The following TBL1X variants were observed in gnomAD, a reference collection of about 807,000 sequenced individuals.
TBL1X encodes the protein F-box-like/WD repeat-containing protein TBL1X.
In TBL1X, 10 loss-of-function variants were observed where a neutral mutation model predicts 50.7. The ratio of observed to expected loss-of-function variants is 0.20; its 90% confidence interval spans 0.12 to 0.33. The LOEUF is 0.33. TBL1X is among the 10% of genes least tolerant of loss of function. The pLI, the probability that TBL1X is intolerant of heterozygous loss-of-function variation, is 1.00. For missense variants in TBL1X, 340 were observed against 504.4 expected (o/e 0.67, Z 3.12); for synonymous variants, 190 against 214.7 (o/e 0.88, Z 1.01).
At chrX:9,613,079 AT>A (rs1434445905) in intron 2 of TBL1X, among the ~76,000 whole-genome samples, 2 of 111,661 alleles carry the variant, frequency 1.8e-5, no homozygotes, top group African/African-American at 6.5e-5. Flanking sequence ...GTGAAAAATA[AT>A]TTTTAAGCTG....
At chrX:9,564,397 T>A (rs2082338280) in intron 2 of TBL1X, among the ~76,000 whole-genome samples, 2 of 107,168 alleles carry the variant, frequency 1.9e-5, no homozygotes, top group African/African-American at 6.8e-5. Context: ...AAAGGTGTTT[T>A]CAGGGCAGTG....
intron 2 of TBL1X, among the ~76,000 whole-genome samples, chrX:9,631,504 CTTTA>C (rs1420925093): frequency 8.9e-6 from 1 of 112,075 alleles, no homozygotes; most frequent in African/African-American, 3.2e-5. Flanking sequence ...TAACTCATTG[CTTTA>C]TTTTTTAGGG....
At chrX:9,685,717 CTTTT>C (rs752837096) in intron 6 of TBL1X, among the ~76,000 whole-genome samples, 6 of 59,622 alleles carry the variant, frequency 1.0e-4, no homozygotes, top group Admixed American at 7.9e-4. Context: ...CTTTTCTTTT[CTTTT>C]TTTTTTTTTT....
intron 2 of TBL1X, among the ~76,000 whole-genome samples, chrX:9,618,054 A>G: frequency 8.9e-6 from 1 of 111,856 alleles, no homozygotes; most frequent in East Asian, 2.8e-4. Flanking sequence ...CAGATGTCCC[A>G]GGATGCCATA....
rs201038510 is a variant in TBL1X at position 9,484,162 on chromosome X, A to G, written c.-200-17618A>G. Among the ~76,000 whole-genome samples the G allele has an allele frequency of 3.7e-4, 39 of 106,728 alleles. No homozygotes were observed. In the East Asian group the frequency reaches 0.011, roughly 31 times the overall value. The allele number at this position is 106,728 out of a possible 115,157, so 92.7% of individuals were successfully genotyped here. A position where few individuals can be genotyped will look rare whatever the true frequency, so the allele number is the denominator to read the frequency against. ...TGGGACTATAGGCGCATGCCACCAC[A>G]CCCGGTTAATTTTTTATTTTTTGTA... is the stretch of plus-strand genomic sequence containing the variant. On this transcript the variant is annotated intron_variant, in intron 1 of 17. Transcript: ENST00000645353.
intron 5 of TBL1X, among the ~76,000 whole-genome samples, chrX:9,664,339 C>T (rs775505667): frequency 1.2e-4 from 14 of 112,341 alleles, no homozygotes; most frequent in Admixed American, 3.8e-4. Context: ...TATTATATTT[C>T]GCAGGTCATT....
chrX:9,600,891 T>C (rs148132239), intron 2 of TBL1X, among the ~76,000 whole-genome samples: 1,207 of 111,381 alleles, frequency 0.011, 21 homozygotes, highest in African/African-American at 0.037. Flanking sequence ...AGGACGGTGC[T>C]GGCGTTTCAG....
chrX:9,468,609 G>T (rs888417595), intron 1 of TBL1X, among the ~76,000 whole-genome samples: 7 of 111,125 alleles, frequency 6.3e-5, no homozygotes, highest in African/African-American at 2.3e-4. Context: ...GAACTTGGGC[G>T]CTGGGGACAG....
chrX:9,575,449 A>G (rs912986838), intron 2 of TBL1X, among the ~76,000 whole-genome samples: 1 of 111,615 alleles, frequency 9.0e-6, no homozygotes, highest in African/African-American at 3.3e-5. Flanking sequence ...TTTCAGGTAA[A>G]TACTCACAAC....
At chrX:9,486,488 C>G (rs921617264) in intron 1 of TBL1X, among the ~76,000 whole-genome samples, 34 of 110,609 alleles carry the variant, frequency 3.1e-4, no homozygotes, top group Admixed American at 3.9e-4. Context: ...CCTGCCTTGG[C>G]CTCTCAGAGT....
At chrX:9,676,474 C>T in intron 5 of TBL1X, among the ~76,000 whole-genome samples, 1 of 112,619 alleles carries the variant, frequency 8.9e-6, no homozygotes, top group South Asian at 3.7e-4. Context: ...GGCAAGGGTG[C>T]CTGGTCTGCG....
chrX:9,497,408 C>CAAAAAAA (rs35402306), intron 1 of TBL1X, among the ~76,000 whole-genome samples: 2 of 30,404 alleles, frequency 6.6e-5, no homozygotes, highest in Non-Finnish European at 1.1e-4. Context: ...GACTCCATCT[C>CAAAAAAA]AAAAAAAAAA....
intron 1 of TBL1X, among the ~76,000 whole-genome samples, chrX:9,487,866 C>T (rs1276398810): frequency 1.8e-5 from 2 of 110,871 alleles, no homozygotes; most frequent in Non-Finnish European, 3.8e-5. Flanking sequence ...GTGTGGTGTT[C>T]CTTCCAGAGC....
intron 2 of TBL1X, among the ~76,000 whole-genome samples, chrX:9,603,082 A>G (rs1367463784): frequency 1.8e-5 from 2 of 112,375 alleles, no homozygotes; most frequent in Non-Finnish European, 3.8e-5. Flanking sequence ...CTTGGATTCA[A>G]GCTTCCCTGA....
chrX:9,696,375 CTCTT>C (rs1355414700), intron 11 of TBL1X, among the ~76,000 whole-genome samples: 1 of 112,728 alleles, frequency 8.9e-6, no homozygotes, highest in Non-Finnish European at 1.9e-5. Flanking sequence ...CAAAATAGAA[CTCTT>C]TCTTCTTAAA....
chrX:9,611,003 T>G (rs1254854144), intron 2 of TBL1X, among the ~76,000 whole-genome samples: 1 of 111,777 alleles, frequency 8.9e-6, no homozygotes, highest in Non-Finnish European at 1.9e-5. Flanking sequence ...CTCGGAGAAA[T>G]GGCCATATTT....
intron 2 of TBL1X, among the ~76,000 whole-genome samples, chrX:9,546,612 A>C (rs947405703): frequency 4.5e-5 from 5 of 111,432 alleles, no homozygotes; most frequent in African/African-American, 1.6e-4. Flanking sequence ...ACAACAGCAG[A>C]ATTGAGTTGG....
intron 2 of TBL1X, among the ~76,000 whole-genome samples, chrX:9,625,062 A>G (rs1362077646): frequency 8.9e-6 from 1 of 112,599 alleles, no homozygotes; most frequent in Non-Finnish European, 1.9e-5. Flanking sequence ...TGATACTTGT[A>G]TGACTATTTT....
At chrX:9,491,312 A>T (rs2081940705) in intron 1 of TBL1X, among the ~76,000 whole-genome samples, 1 of 29,711 alleles carries the variant, frequency 3.4e-5, no homozygotes, top group East Asian at 1.4e-3. Context: ...ATATTTATAT[A>T]TATATATATA....
Sources: allele counts gnomAD v4.1 joint callset (sites outside exome capture counted in the v4.1 genomes callset), GRCh38; gene constraint gnomAD v4.1.1; transcripts MANE v1.5; gene names NCBI Gene and HGNC (gene_info 2026-07-23, HGNC 2026-07-21).